The following CHRM3 variants were observed in gnomAD, a reference collection of about 807,000 sequenced individuals.
CHRM3 encodes the protein cholinergic receptor muscarinic 3, also known as muscarinic acetylcholine receptor M3.
Under a neutral mutation model 41.8 loss-of-function variants are expected in CHRM3, and 11 were observed. The ratio of observed to expected loss-of-function variants is 0.26; its 90% CI spans 0.17 to 0.44. The LOEUF (loss-of-function observed/expected upper bound fraction) is 0.44. Ranked by LOEUF, CHRM3 falls within the 20% of genes least tolerant of loss-of-function variation. The probability of loss-of-function intolerance (pLI) is 1.00; values close to 1 mark genes in which losing one functional copy is unlikely to be tolerated. For synonymous variants in CHRM3, 297 were observed against 301.4 expected (o/e 0.99, Z 0.15); for missense variants, 571 against 745.4 (o/e 0.77, Z 2.72).
At chr1:239,537,929 A>G (rs1007611240) in intron 2 of CHRM3, among the ~76,000 whole-genome samples, 1 of 152,228 alleles carries the variant, frequency 6.6e-6, no homozygotes, top group African/African-American at 2.4e-5. Context: ...TCTATGAAAT[A>G]TGGATACTAT....
chr1:239,488,440 C>T (rs991562189), intron 1 of CHRM3, among the ~76,000 whole-genome samples: 5 of 151,746 alleles, frequency 3.3e-5, no homozygotes, highest in Admixed American at 1.3e-4. Context: ...ATGGGCCAGG[C>T]GCGGGTGGCA....
intron 1 of CHRM3, among the ~76,000 whole-genome samples, chr1:239,486,415 G>A (rs1667184473): frequency 6.6e-6 from 1 of 152,014 alleles, no homozygotes. Context: ...TTTACTTTCA[G>A]CCATCATCCC....
At chr1:239,577,301 A>C (rs566317554) in intron 3 of CHRM3, among the ~76,000 whole-genome samples, 1 of 152,086 alleles carries the variant, frequency 6.6e-6, no homozygotes, top group South Asian at 2.1e-4. Flanking sequence ...TTATGTTATG[A>C]CACATATCCT....
At chr1:239,772,835 G>A (rs185980480) in intron 5 of CHRM3, among the ~76,000 whole-genome samples, 4 of 152,164 alleles carry the variant, frequency 2.6e-5, no homozygotes, top group Admixed American at 2.6e-4. Context: ...CCTCTCTCAT[G>A]TCTTTCCTGT....
intron 3 of CHRM3, among the ~76,000 whole-genome samples, chr1:239,611,632 G>A (rs149114057): frequency 0.016 from 2,474 of 152,010 alleles, 75 homozygotes; most frequent in African/African-American, 0.055. Context: ...TGTTGGCCAG[G>A]ATGGTCTTGA....
At chr1:239,462,430 T>C (rs975138070) in intron 1 of CHRM3, among the ~76,000 whole-genome samples, 17 of 152,348 alleles carry the variant, frequency 1.1e-4, no homozygotes, top group African/African-American at 4.1e-4. Flanking sequence ...ATTTTTCATA[T>C]TGTTGTTCTT....
intron 3 of CHRM3, among the ~76,000 whole-genome samples, chr1:239,622,092 G>T (rs1396619011): frequency 6.6e-6 from 1 of 152,096 alleles, no homozygotes; most frequent in Non-Finnish European, 1.5e-5. Flanking sequence ...AACAAAGCCT[G>T]GATGACAGTG....
intron 5 of CHRM3, among the ~76,000 whole-genome samples, chr1:239,694,408 G>A (rs1034041728): frequency 1.3e-5 from 2 of 152,172 alleles, no homozygotes; most frequent in African/African-American, 4.8e-5. Flanking sequence ...CTTCCACACA[G>A]TGGCCTTGGG....
At chr1:239,488,155 TTTGGCTAA>T (rs1667310174) in intron 1 of CHRM3, among the ~76,000 whole-genome samples, 1 of 152,160 alleles carries the variant, frequency 6.6e-6, no homozygotes, top group African/African-American at 2.4e-5. Context: ...TGGGTAGGCA[TTTGGCTAA>T]TTGCCTACCA....
chr1:239,672,415 G>A (rs550618468), intron 4 of CHRM3, among the ~76,000 whole-genome samples: 1 of 152,180 alleles, frequency 6.6e-6, no homozygotes, highest in Admixed American at 6.5e-5. Flanking sequence ...AGCTTACTAG[G>A]TCAAGAAAAT....
At chr1:239,502,650 G>A (rs989814003) in intron 2 of CHRM3, among the ~76,000 whole-genome samples, 1 of 152,032 alleles carries the variant, frequency 6.6e-6, no homozygotes, top group Admixed American at 6.6e-5. Flanking sequence ...ACTACAGACC[G>A]ATAACCTTGA....
chr1:239,688,438 TATC>T (rs935909406), intron 5 of CHRM3, among the ~76,000 whole-genome samples: 8 of 143,000 alleles, frequency 5.6e-5, no homozygotes, highest in Non-Finnish European at 1.1e-4. Context: ...TATATTTACA[TATC>T]ATATTTATAA....
chr1:239,880,780 A>G (rs970085551), intron 6 of CHRM3, among the ~76,000 whole-genome samples: 1 of 152,138 alleles, frequency 6.6e-6, no homozygotes, highest in Non-Finnish European at 1.5e-5. Context: ...TATAGCTGTG[A>G]GCCACCGTGC....
At chr1:239,689,034 A>G (rs1211523604) in intron 5 of CHRM3, among the ~76,000 whole-genome samples, 1 of 151,168 alleles carries the variant, frequency 6.6e-6, no homozygotes, top group African/African-American at 2.4e-5. Flanking sequence ...TAAATTCACC[A>G]TTGATTAAGT....
chr1:239,751,956 TACGGG>T (rs1441852508), intron 5 of CHRM3, among the ~76,000 whole-genome samples: 1 of 152,158 alleles, frequency 6.6e-6, no homozygotes, highest in Admixed American at 6.5e-5. Flanking sequence ...CAGGACTACA[TACGGG>T]ATAGGGAATG....
chr1:239,453,283 C>T (rs2103336106), intron 1 of CHRM3, among the ~76,000 whole-genome samples: 1 of 152,298 alleles, frequency 6.6e-6, no homozygotes, highest in Middle Eastern at 3.4e-3. Context: ...AAGTAGTCAT[C>T]TTTTATTCCT....
chr1:239,656,393 G>C (rs1672723333), intron 4 of CHRM3, among the ~76,000 whole-genome samples: 1 of 151,436 alleles, frequency 6.6e-6, no homozygotes, highest in African/African-American at 2.4e-5. Context: ...AGGCTGAAGG[G>C]GAAAATCACT....
intron 1 of CHRM3, among the ~76,000 whole-genome samples, chr1:239,389,041 C>A (rs1658790074): frequency 6.6e-6 from 1 of 152,104 alleles, no homozygotes; most frequent in Non-Finnish European, 1.5e-5. Flanking sequence ...TCGAATGTAG[C>A]ACGAAAATAG....
intron 5 of CHRM3, among the ~76,000 whole-genome samples, chr1:239,729,112 C>T (rs2148406530): frequency 6.6e-6 from 1 of 152,060 alleles, no homozygotes; most frequent in African/African-American, 2.4e-5. Flanking sequence ...TCCTTAAGTA[C>T]AAACCAAGGC....
Sources: gnomAD v4.1 joint callset for allele counts (sites outside exome capture counted in the v4.1 genomes callset) on GRCh38, gnomAD v4.1.1 for gene constraint, MANE v1.5 for transcripts, NCBI Gene and HGNC (gene_info 2026-07-23, HGNC 2026-07-21) for gene names.